The following PIH1D1 variants were observed in gnomAD, a reference collection of about 807,000 sequenced individuals.
PIH1D1 encodes the protein PIH1 domain-containing protein 1.
In PIH1D1, 28 loss-of-function variants were observed where a neutral mutation model predicts 38.5. That is an observed-to-expected ratio of 0.73 (90% CI 0.54 to 1.00). The LOEUF (loss-of-function observed/expected upper bound fraction) is 1.00, where lower values mean the gene tolerates loss of function less well. Among genes scored for constraint, PIH1D1 ranks in the 50% least tolerant of loss-of-function variants. PIH1D1 has a pLI of 0.00. For missense variants in PIH1D1, 343 were observed against 369.9 expected (o/e 0.93, Z 0.60); for synonymous variants, 155 against 153.5 (o/e 1.01, Z -0.07).
intron 3 of PIH1D1, chr19:49,449,029 T>C (rs1309332739): frequency 3.1e-6 from 1 of 327,092 alleles, no homozygotes; most frequent in Non-Finnish European, 6.0e-6. Context: ...CCGTCTCTAT[T>C]AAAAATACAA....
chr19:49,447,309 A>T (rs2079029427), intron 6 of PIH1D1, 29 bp downstream of exon 6: 1 of 1,613,028 alleles, frequency 6.2e-7, no homozygotes, highest in Non-Finnish European at 8.5e-7. Context: ...TTGAGGAAAC[A>T]TCAGACCGGG....
rs1568643203 is a variant in PIH1D1 at position 49,451,605 on chromosome 19, A to G, written c.-31T>C. The G allele has an allele frequency of 1.2e-6, 2 of 1,610,018 alleles. No homozygotes were observed. Among genetic ancestry groups the G allele is most frequent in the East Asian group, 2.2e-5 (1 of 44,864 alleles). ...TGGGAAAGAGATCTAGGCGTCCTCG[A>G]GACCCTCAACGTGGGAAACTTTGCC... On this transcript the variant is annotated 5_prime_UTR_variant, in exon 1 of 9. Coordinates refer to ENST00000262265, the MANE Select transcript of PIH1D1 (RefSeq NM_017916.3).
At position 49,449,488 on chromosome 19, in the gene PIH1D1, T is replaced by C. The variant is rs199547295; in HGVS notation, c.324A>G (p.Ala108=). 9 of 1,614,156 alleles carry C rather than the reference T, an allele frequency of 5.6e-6. No homozygotes were observed. The East Asian group carries it at 1.3e-4, about 24-fold the overall frequency. Residue 108 remains alanine (A), a synonymous_variant, in exon 3 of 9, where the codon GCA becomes GCG. Coordinates refer to ENST00000262265, the MANE Select transcript of PIH1D1 (RefSeq NM_017916.3). ...RIPMSLGEPH[A]ELDAKGQGCT... ...GAGGGCACTGACTTGCATCCAGTTC[T>C]GCATGAGGCTCTCCCAGACTCATGG...
In PIH1D1 at chr19:49,447,347, G is replaced by T. The variant is rs201292759; in HGVS notation, c.602C>A (p.Ala201Asp). The T allele has an allele frequency of 6.2e-7, 1 of 1,613,928 alleles. No homozygotes were observed. The highest frequency in any genetic ancestry group is 8.5e-7 in the Non-Finnish European group (1 of 1,179,974). ...TCTACCGAAGGCCCACCCTGACTCA[G>T]CTCTCCCGGGGGCGGGCGTGTACAG... ...GDLYTPAPGR[A>D]ESGPEKPHLN... Residue 201 changes from alanine to aspartate, a missense_variant, in exon 6 of 9, where the codon GCT becomes GAT. By Grantham distance (126) the Ala-to-Asp change is moderately radical. Transcript: ENST00000262265.
rs1022241051 is a variant in PIH1D1 at position 49,448,296 on chromosome 19, C to T, written c.338-234G>A. 3 of 559,812 alleles carry T rather than the reference C, an allele frequency of 5.4e-6. No homozygotes were observed. The African/African-American group carries it at 5.7e-5, about 11-fold the overall frequency. 34.7% of individuals were successfully genotyped at this position (559,812 alleles called of 1,614,324 possible). ...TCACTAGAGTTGACCCTATCCCTTC[C>T]CTGCTCACAGCTCTTCTCTGGCTCC... is the stretch of plus-strand genomic sequence containing the variant. On this transcript the variant is annotated intron_variant, in intron 3 of 8. Coordinates refer to ENST00000262265, the MANE Select transcript of PIH1D1 (RefSeq NM_017916.3).
Position 49,450,834 on chromosome 19 carries a change from G to A in PIH1D1, c.105C>T (p.Leu35=), listed in dbSNP as rs2079054025. 1.9e-6 allele frequency: 3 copies of A among 1,613,338 alleles called. No individual in the cohort carries two copies. Among genetic ancestry groups the A allele is most frequent in the African/African-American group, 1.3e-5 (1 of 74,792 alleles). Residue 35 remains leucine, a synonymous_variant, in exon 2 of 9, where the codon CTC becomes CTT. Transcript: ENST00000262265. ...EELLLQASKE[L]QQAQTTRPES... is the part of the protein sequence containing the mutation. ...CTGGTCTGGTTGTCTGGGCTTGCTG[G>A]AGCTCCTTCGAGGCCTGTATAAAGG...
chr19:49,447,981 A>G lies in PIH1D1; in HGVS notation c.399+20T>C, dbSNP rs1388935801. The stretch of plus-strand genomic sequence containing the variant: ...GGTAGAGACCCCTGCCCAGGCCTCA[A>G]CCGCAGCCCCGCCCCCAACCTGCAT... On this transcript the variant is annotated intron_variant, in intron 4 of 8. Coordinates refer to ENST00000262265, the MANE Select transcript of PIH1D1 (RefSeq NM_017916.3). The G allele has an allele frequency of 6.2e-7, 1 of 1,612,714 alleles. No homozygotes were observed. The highest frequency in any genetic ancestry group is 2.2e-5 in the East Asian group (1 of 44,782).
At chr19:49,449,382 C>A (rs1371520911) in intron 3 of PIH1D1, 93 bp downstream of exon 3, 1 of 1,157,902 alleles carries the variant, frequency 8.6e-7, no homozygotes, top group Admixed American at 1.7e-5. Context: ...TCTCCAGGAG[C>A]TGAGGGAGGA....
In PIH1D1 at chr19:49,447,086, G is replaced by T; in HGVS notation, c.625C>A (p.His209Asn). 2 of 1,613,082 alleles carry T rather than the reference G, an allele frequency of 1.2e-6. No individual in the cohort carries two copies. The highest frequency in any genetic ancestry group is 1.7e-6 in the Non-Finnish European group (2 of 1,179,618). Residue 209 changes from histidine (H) to asparagine (N), a missense_variant, in exon 7 of 9, where the codon CAC becomes AAC. By Grantham distance (68) the His-to-Asn change is moderately conservative (BLOSUM62 1). Coordinates refer to ENST00000262265, the MANE Select transcript of PIH1D1 (RefSeq NM_017916.3). ...GRAESGPEKP[H>N]LNLWLEAPDL... ...GGGGCTTCCAGCCACAGGTTCAGGT[G>T]AGGCTTTTCAGGCCTGAGGAGGAAC...
intron 3 of PIH1D1, 169 bp downstream of exon 3, chr19:49,449,306 C>A (rs578195865): frequency 2.7e-6 from 2 of 744,716 alleles, no homozygotes; most frequent in Non-Finnish European, 4.7e-6. Context: ...CAGGACTGCC[C>A]GGGTGTGGGA....
At chr19:49,446,933 C>T in intron 7 of PIH1D1, 91 bp downstream of exon 7, 5 of 1,233,648 alleles carry the variant, frequency 4.1e-6, no homozygotes, top group Non-Finnish European at 6.0e-6. Flanking sequence ...CTGACAAGTC[C>T]AGCAACAACC....
chr19:49,449,516 A>G lies in PIH1D1; in HGVS notation c.296T>C (p.Ile99Thr), dbSNP rs968143894. The G allele has an allele frequency of 6.8e-6, 11 of 1,613,982 alleles. No homozygotes were observed. Among genetic ancestry groups the G allele is most frequent in the Non-Finnish European group, 9.3e-6 (11 of 1,179,998 alleles). The change falls in exon 3 of 9, where the codon ATC becomes ACC. Residue 99 changes from isoleucine (I) to threonine (T), a missense_variant. By Grantham distance (89) the Ile-to-Thr change is moderately conservative (BLOSUM62 -1). Coordinates refer to ENST00000262265, the MANE Select transcript of PIH1D1 (RefSeq NM_017916.3). ...MLEEDQAGFR[I>T]PMSLGEPHAE... Reference sequence around the variant, plus strand: ...ATGAGGCTCTCCCAGACTCATGGGGATGCGAAACCCAGCTTGGTCCTCCTC... The same window carrying G: ...ATGAGGCTCTCCCAGACTCATGGGGGTGCGAAACCCAGCTTGGTCCTCCTC...
chr19:49,451,767 T>G lies in PIH1D1; in HGVS notation c.-193A>C. 4 of 1,408,604 alleles carry G rather than the reference T, an allele frequency of 2.8e-6. No homozygotes were observed. The highest frequency in any genetic ancestry group is 3.7e-6 in the Non-Finnish European group (4 of 1,080,444). 87.3% of individuals were successfully genotyped at this position (1,408,604 alleles called of 1,614,324 possible). ...ACCATCGTCAAATCCGTGGGGAATA[T>G]GTGTCTCTAGACGCACTACCCTCCG... On this transcript the variant is annotated 5_prime_UTR_variant, in exon 1 of 9. Coordinates refer to ENST00000262265, the MANE Select transcript of PIH1D1 (RefSeq NM_017916.3).
chr19:49,449,323 G>A (rs2079043730), intron 3 of PIH1D1, 152 bp downstream of exon 3: 1 of 789,356 alleles, frequency 1.3e-6, no homozygotes, highest in Middle Eastern at 2.2e-4. Flanking sequence ...GGGATGTCCA[G>A]GGCACTAGAG....
rs2079027946 is a variant in PIH1D1, at chr19:49,447,071, G to C, written c.640C>G (p.Leu214Val). The change falls in exon 7 of 9, where the codon CTG (leucine) becomes GTG (valine). Residue 214 changes from leucine to valine, a missense_variant. Leu to Val is a conservative substitution (Grantham distance 32). Coordinates refer to ENST00000262265, the MANE Select transcript of PIH1D1 (RefSeq NM_017916.3). ...GPEKPHLNLW[L>V]EAPDLLLAEV... ...GCCAAGAGGAGGTCGGGGGCTTCCA[G>C]CCACAGGTTCAGGTGAGGCTTTTCA... is the stretch of plus-strand genomic sequence containing the variant. 6.2e-7 allele frequency: 1 copy of C among 1,613,406 alleles called. No individual in the cohort carries two copies. The highest frequency in any genetic ancestry group is 8.5e-7 in the Non-Finnish European group (1 of 1,179,798).
At chr19:49,448,451 A>C in intron 3 of PIH1D1, 1 of 277,550 alleles carries the variant, frequency 3.6e-6, no homozygotes, top group South Asian at 3.9e-5. Flanking sequence ...TCTTTCAGTC[A>C]CTCTCCATTA....
rs769729210 is a variant in PIH1D1 at position 49,448,061 on chromosome 19, T to C, written c.339A>G (p.Lys113=). The change falls in exon 4 of 9, where the codon AAA becomes AAG. Residue 113 remains lysine, a splice_region_variant and synonymous_variant. Coordinates refer to ENST00000262265, the MANE Select transcript of PIH1D1 (RefSeq NM_017916.3). ...LGEPHAELDA[K]GQGCTAYDVA... ...CGTCGTAGGCGGTACATCCCTGGCC[T>C]TCTGCGGGGAGAAAAAGGGGGTGAG... 3 of 1,614,120 alleles carry C rather than the reference T, an allele frequency of 1.9e-6. No homozygotes were observed. In the South Asian group the frequency reaches 3.3e-5, roughly 18 times the overall value.
intron 7 of PIH1D1, 73 bp downstream of exon 7, chr19:49,446,951 A>G: frequency 2.3e-6 from 3 of 1,309,804 alleles, no homozygotes; most frequent in Non-Finnish European, 3.3e-6. Flanking sequence ...ACCCCTTGTC[A>G]CTCACACTCA....
Position 49,447,343 on chromosome 19 carries a change from C to T in PIH1D1, c.606G>A (p.Glu202=), listed in dbSNP as rs369120311. 8 of 1,613,830 alleles carry T rather than the reference C, an allele frequency of 5.0e-6. No individual in the cohort carries two copies. Among genetic ancestry groups the T allele is most frequent in the Non-Finnish European group, 6.8e-6 (8 of 1,179,980 alleles). ...GGGATCTACCGAAGGCCCACCCTGA[C>T]TCAGCTCTCCCGGGGGCGGGCGTGT... The part of the protein sequence containing the change: ...DLYTPAPGRA[E]SGPEKPHLNL... The change falls in exon 6 of 9, where the codon GAG becomes GAA. Residue 202 remains glutamate (E), a synonymous_variant. Coordinates refer to ENST00000262265, the MANE Select transcript of PIH1D1 (RefSeq NM_017916.3).
Sources: allele counts gnomAD v4.1 joint callset, GRCh38; gene constraint gnomAD v4.1.1; transcripts MANE v1.5; gene names NCBI Gene and HGNC (gene_info 2026-07-23, HGNC 2026-07-21).